Variants in HEATR5A observed in about 807,000 individuals in gnomAD.
HEATR5A encodes the protein HEAT repeat containing 5A.
HEATR5A carries 178 observed loss-of-function variants against 218.8 expected under a neutral mutation model. The observed-to-expected ratio is 0.81, with a 90% CI of 0.72 to 0.92. The LOEUF (loss-of-function observed/expected upper bound fraction) is 0.92, where lower values mean the gene tolerates loss of function less well. Among genes scored for constraint, HEATR5A ranks in the 40% least tolerant of loss-of-function variants. The pLI is 0.00. For missense variants in HEATR5A, 2,420 were observed against 2,418.9 expected, an observed-to-expected ratio of 1.00 and a Z score of -0.01; for synonymous variants, 864 against 871.6, an observed-to-expected ratio of 0.99 and a Z score of 0.15.
At chr14:31,341,544 C>T (rs1427051315) in intron 21 of HEATR5A, among the ~76,000 whole-genome samples, 1 of 152,020 alleles carries the variant, frequency 6.6e-6, no homozygotes, top group African/African-American at 2.4e-5. Context: ...TACAGGTGCA[C>T]ACCACCATGC....
rs1383706273 is a variant in HEATR5A at position 31,383,677 on chromosome 14, T to G, written c.1440A>C (p.Leu480Phe). The G allele has an allele frequency of 2.5e-6, 4 of 1,613,848 alleles. No homozygotes were observed. Among genetic ancestry groups the G allele is most frequent in the Non-Finnish European group, 3.4e-6 (4 of 1,179,874 alleles). ...AWCLHCIAVA[L>F]PSYLTPLLDR... is the part of the protein sequence containing the mutation. ...CCAAGAGTGGTGTTAGGTAGGAGGG[T>G]AATGCCACGGCAATGCAGTGTAAAC... The change falls in exon 10 of 36, where the codon TTA becomes TTC. Residue 480 changes from leucine (L) to phenylalanine (F), a missense_variant. Transcript: ENST00000543095.
chr14:31,306,974 A>G, intron 30 of HEATR5A, 95 bp from the exon 31 acceptor site: 2 of 1,035,002 alleles, frequency 1.9e-6, no homozygotes, highest in Non-Finnish European at 2.7e-6. Flanking sequence ...AAATTCAGAA[A>G]AACAGAATGT....
intron 1 of HEATR5A, among the ~76,000 whole-genome samples, chr14:31,417,967 G>C (rs906084243): frequency 1.3e-5 from 2 of 152,148 alleles, no homozygotes; most frequent in Non-Finnish European, 2.9e-5. Context: ...CAGCACTTTG[G>C]GAGGCCGAGG....
At chr14:31,374,725 C>A in intron 12 of HEATR5A, 91 bp downstream of exon 12, 2 of 1,201,900 alleles carry the variant, frequency 1.7e-6, no homozygotes, top group Non-Finnish European at 2.3e-6. Context: ...CCCCCTGCCT[C>A]GTGTTAAATA....
intron 9 of HEATR5A, among the ~76,000 whole-genome samples, chr14:31,385,484 T>C (rs1310087203): frequency 1.3e-5 from 2 of 152,138 alleles, no homozygotes; most frequent in Non-Finnish European, 2.9e-5. Context: ...TTTATGACCA[T>C]ATATTGAATG....
At chr14:31,357,568 G>C (rs972284251) in intron 16 of HEATR5A, among the ~76,000 whole-genome samples, 1 of 152,136 alleles carries the variant, frequency 6.6e-6, no homozygotes, top group Non-Finnish European at 1.5e-5. Flanking sequence ...CCTGGATAGT[G>C]GATTTTGATG....
chr14:31,395,945 C>A (rs1048045358), intron 4 of HEATR5A, among the ~76,000 whole-genome samples: 3 of 152,136 alleles, frequency 2.0e-5, no homozygotes. Context: ...CTCTGTGACC[C>A]GCAGTAACTT....
intron 25 of HEATR5A, among the ~76,000 whole-genome samples, chr14:31,318,495 A>AT (rs1298495537): frequency 6.6e-6 from 1 of 150,838 alleles, no homozygotes; most frequent in Non-Finnish European, 1.5e-5. Context: ...CTCCCCCTTT[A>AT]TTTTTTTTTG....
In HEATR5A at chr14:31,323,786, C is replaced by G; in HGVS notation, c.3566G>C (p.Cys1189Ser). 6.3e-7 allele frequency: 1 copy of G among 1,588,590 alleles called. No individual in the cohort carries two copies. Among genetic ancestry groups the G allele is most frequent in the Non-Finnish European group, 8.6e-7 (1 of 1,157,640 alleles). ...AASADFTAVT[C>S]VDTMQEEEGD... ...TTCTTCTTCTTGCATTGTATCCACA[C>G]AAGTTACAGCTGTAAAATCTTTTAT... Residue 1189 changes from cysteine to serine, a missense_variant, in exon 24 of 36, where the codon TGT becomes TCT. Cys to Ser is a moderately radical substitution (Grantham distance 112). Transcript: ENST00000543095.
chr14:31,326,066 A>G (rs1334575575), intron 23 of HEATR5A, 97 bp downstream of exon 23: 1 of 838,996 alleles, frequency 1.2e-6, no homozygotes, highest in Admixed American at 2.0e-5. Flanking sequence ...GAATCCAGCT[A>G]GTTAGACAAG....
intron 33 of HEATR5A, chr14:31,296,266 T>G (rs750365296): frequency 1.5e-5 from 7 of 464,260 alleles, no homozygotes; most frequent in Admixed American, 3.8e-5. Flanking sequence ...GTAATTATAA[T>G]CTTTAAAGGT....
intron 33 of HEATR5A, among the ~76,000 whole-genome samples, chr14:31,298,949 C>G (rs1309397873): frequency 6.6e-6 from 1 of 152,186 alleles, no homozygotes; most frequent in Admixed American, 6.5e-5. Flanking sequence ...CTCTATCCCC[C>G]ACACTGTTTG....
Position 31,309,640 on chromosome 14 carries a change from G to A in HEATR5A, c.4442-458C>T, listed in dbSNP as rs140205525. ...TAAAACAAAATATGTGTATATGTGT[G>A]ATTAAAATAAATACCAATACCCATT... On this transcript the variant is annotated intron_variant, in intron 28 of 35. Coordinates refer to ENST00000543095, the MANE Select transcript of HEATR5A (RefSeq NM_015473.4). Among the ~76,000 whole-genome samples, 199 of 152,116 alleles carry A rather than the reference G, an allele frequency of 1.3e-3. 2 individuals carry two copies. In the East Asian group the frequency reaches 0.015, roughly 11 times the overall value.
At chr14:31,391,724 C>A (rs1189871722) in intron 6 of HEATR5A, among the ~76,000 whole-genome samples, 1 of 152,102 alleles carries the variant, frequency 6.6e-6, no homozygotes, top group South Asian at 2.1e-4. Flanking sequence ...TGTACCATTT[C>A]TTATCTTTTA....
At chr14:31,327,966 G>A (rs1470072227) in intron 22 of HEATR5A, among the ~76,000 whole-genome samples, 3 of 152,032 alleles carry the variant, frequency 2.0e-5, no homozygotes, top group Non-Finnish European at 4.4e-5. Flanking sequence ...TTTATTTATT[G>A]TTTTGGAGAC....
intron 22 of HEATR5A, among the ~76,000 whole-genome samples, chr14:31,333,877 C>CA (rs35604069): frequency 0.35 from 50,581 of 146,266 alleles, 9,721 homozygotes; most frequent in Non-Finnish European, 0.43. Flanking sequence ...ACAAAAAATA[C>CA]AAAAAAAAAA....
At position 31,336,217 on chromosome 14, in the gene HEATR5A, CATATATATAT is replaced by C. The variant is rs3033610; in HGVS notation, c.3367+1249_3367+1258del. Among the ~76,000 whole-genome samples, 343 of 38,210 alleles carry C rather than the reference CATATATATAT, an allele frequency of 9.0e-3. 12 individuals are homozygous for C. The highest frequency in any genetic ancestry group is 0.033 in the East Asian group (72 of 2,198). 25.1% of individuals were successfully genotyped at this position (38,210 alleles called of 152,430 possible). On this transcript the variant is annotated intron_variant, in intron 22 of 35. Transcript: ENST00000543095. ...GGTTATTTTTATATATACATACATA[CATATATATAT>C]ATATATATATATATATATATATATA...
intron 22 of HEATR5A, among the ~76,000 whole-genome samples, chr14:31,327,510 C>T (rs1207397379): frequency 2.7e-5 from 4 of 150,410 alleles, no homozygotes; most frequent in Non-Finnish European, 5.9e-5. Context: ...AGGCTGGTCC[C>T]GAACTCCTGA....
At chr14:31,318,014 C>G (rs189804428) in intron 26 of HEATR5A, among the ~76,000 whole-genome samples, 1 of 152,010 alleles carries the variant, frequency 6.6e-6, no homozygotes, top group African/African-American at 2.4e-5. Context: ...ACCCAATGTC[C>G]GTCAATATGG....
Sources: gnomAD v4.1 joint callset for allele counts (sites outside exome capture counted in the v4.1 genomes callset) on GRCh38, gnomAD v4.1.1 for gene constraint, MANE v1.5 for transcripts, NCBI Gene and HGNC (gene_info 2026-07-23, HGNC 2026-07-21) for gene names.